Variants in RANBP2 observed in about 807,000 individuals in gnomAD.
RANBP2 encodes the protein RAN binding protein 2.
A neutral mutation model predicts 303.6 loss-of-function variants in RANBP2; 57 were observed. The observed-to-expected ratio is 0.19, with a 90% CI of 0.15 to 0.23. The LOEUF (loss-of-function observed/expected upper bound fraction) is 0.23. Ranked by LOEUF, RANBP2 falls within the 10% of genes least tolerant of loss-of-function variation. The pLI is 1.00. For missense variants in RANBP2, 3,138 were observed against 3,780.8 expected, an observed-to-expected ratio of 0.83 and a Z score of 4.46; for synonymous variants, 1,167 against 1,301.5, an observed-to-expected ratio of 0.90 and a Z score of 2.23.
the RANBP2 span, among the ~76,000 whole-genome samples, chr2:109,395,279 G>A: frequency 3.9e-5 from 6 of 152,162 alleles, no homozygotes; most frequent in African/African-American, 1.2e-4. Context: ...GAGGCCCTTC[G>A]GGTTAGTCCA....
At chr2:109,460,805 T>C in the RANBP2 span, among the ~76,000 whole-genome samples, 1 of 152,198 alleles carries the variant, frequency 6.6e-6, no homozygotes, top group African/African-American at 2.4e-5. Flanking sequence ...ACAATCACAC[T>C]TCTAGCCACT....
At chr2:109,390,116 T>C in the RANBP2 span, among the ~76,000 whole-genome samples, 1 of 152,286 alleles carries the variant, frequency 6.6e-6, no homozygotes, top group South Asian at 2.1e-4. Flanking sequence ...CCGGAGGCCA[T>C]GCGGGTCCCC....
the RANBP2 span, among the ~76,000 whole-genome samples, chr2:109,500,475 A>G: frequency 6.6e-6 from 1 of 152,156 alleles, no homozygotes; most frequent in African/African-American, 2.4e-5. Flanking sequence ...ATTCCACACT[A>G]CAGCATATTG....
At chr2:109,427,093 C>T in the RANBP2 span, among the ~76,000 whole-genome samples, 1 of 152,094 alleles carries the variant, frequency 6.6e-6, no homozygotes, top group African/African-American at 2.4e-5. Context: ...CCTAGCCTCC[C>T]TAGTAGCTGG....
At chr2:108,932,311 G>A in the RANBP2 span, among the ~76,000 whole-genome samples, 3 of 151,898 alleles carry the variant, frequency 2.0e-5, no homozygotes, top group Non-Finnish European at 4.4e-5. Flanking sequence ...GGCGGATCAC[G>A]AGGTCAGGAG....
chr2:108,797,657 G>T, the RANBP2 span, among the ~76,000 whole-genome samples: 1 of 152,148 alleles, frequency 6.6e-6, no homozygotes, highest in Non-Finnish European at 1.5e-5. Context: ...TCCTGAGCCT[G>T]CCTTTTTAAT....
chr2:109,554,165 G>A, the RANBP2 span, among the ~76,000 whole-genome samples: 1 of 152,108 alleles, frequency 6.6e-6, no homozygotes, highest in African/African-American at 2.4e-5. Flanking sequence ...AATTTTTGGT[G>A]CATCAGTGAG....
chr2:108,752,135 A>C, intron 12 of RANBP2, 141 bp downstream of exon 12: 1 of 1,485,688 alleles, frequency 6.7e-7, no homozygotes, highest in Non-Finnish European at 9.0e-7. Flanking sequence ...GCTGCAAAAT[A>C]GTTAATGTAG....
chr2:109,075,579 C>CAAAAA, the RANBP2 span, among the ~76,000 whole-genome samples: 20 of 109,676 alleles, frequency 1.8e-4, no homozygotes, highest in East Asian at 5.4e-4. Flanking sequence ...CTTAGACAAA[C>CAAAAA]AAAAAAAAAA....
chr2:109,342,557 G>A, the RANBP2 span, among the ~76,000 whole-genome samples: 1 of 152,224 alleles, frequency 6.6e-6, no homozygotes, highest in South Asian at 2.1e-4. Context: ...GGGAGCCGGT[G>A]CTCCACGCTC....
the RANBP2 span, among the ~76,000 whole-genome samples, chr2:109,231,773 T>G: frequency 3.9e-5 from 6 of 152,268 alleles, no homozygotes; most frequent in Non-Finnish European, 2.9e-5. Context: ...TTGTGTTGGA[T>G]CTTCTATTCC....
the RANBP2 span, among the ~76,000 whole-genome samples, chr2:109,453,785 G>A: frequency 7.2e-5 from 11 of 152,198 alleles, no homozygotes; most frequent in East Asian, 1.9e-4. Flanking sequence ...ATTGACCTGC[G>A]TGTGGGAACA....
At chr2:109,249,994 C>T in the RANBP2 span, among the ~76,000 whole-genome samples, 1 of 150,148 alleles carries the variant, frequency 6.7e-6, no homozygotes, top group Admixed American at 6.6e-5. Context: ...TGCACCAGAT[C>T]TCTACCAAAT....
At chr2:109,666,756 A>T in the RANBP2 span, among the ~76,000 whole-genome samples, 5 of 152,232 alleles carry the variant, frequency 3.3e-5, no homozygotes, top group Admixed American at 3.3e-4. Flanking sequence ...CTAGATTATT[A>T]TACTCATTAG....
chr2:108,791,378 A>C, the RANBP2 span, among the ~76,000 whole-genome samples: 1 of 152,206 alleles, frequency 6.6e-6, no homozygotes, highest in African/African-American at 2.4e-5. Context: ...TATAGATAAC[A>C]GATTATTGGG....
the RANBP2 span, among the ~76,000 whole-genome samples, chr2:109,204,105 G>C: frequency 1.3e-5 from 2 of 152,226 alleles, no homozygotes; most frequent in Admixed American, 1.3e-4. Context: ...AACAGTCTCA[G>C]ACAAGGCGAA....
the RANBP2 span, among the ~76,000 whole-genome samples, chr2:109,708,129 G>A: frequency 3.3e-5 from 5 of 152,208 alleles, no homozygotes; most frequent in Admixed American, 1.3e-4. Context: ...AGGCTGAGAC[G>A]GGAGCATCAC....
At chr2:109,284,686 A>T in the RANBP2 span, among the ~76,000 whole-genome samples, 1 of 152,130 alleles carries the variant, frequency 6.6e-6, no homozygotes, top group Non-Finnish European at 1.5e-5. Flanking sequence ...GATTTTTTTG[A>T]GACCCTTCCC....
the RANBP2 span, among the ~76,000 whole-genome samples, chr2:109,642,478 G>A: frequency 2.0e-5 from 3 of 152,128 alleles, no homozygotes; most frequent in Non-Finnish European, 4.4e-5. Flanking sequence ...GGCCGGGAGC[G>A]GTGGCTCACG....
Sources: gnomAD v4.1 joint callset for allele counts (sites outside exome capture counted in the v4.1 genomes callset) on GRCh38, gnomAD v4.1.1 for gene constraint, MANE v1.5 for transcripts, NCBI Gene and HGNC (gene_info 2026-07-23, HGNC 2026-07-21) for gene names.